Variants in STAT2 observed in about 807,000 individuals in gnomAD.
The protein encoded by STAT2 is interferon alpha induced transcriptional activator.
A neutral mutation model predicts 122.3 loss-of-function variants in STAT2; 51 were observed. The ratio of observed to expected loss-of-function variants is 0.42; its 90% CI spans 0.33 to 0.53. The LOEUF (loss-of-function observed/expected upper bound fraction) is 0.53, where lower values mean the gene tolerates loss of function less well. STAT2 is among the 20% of genes least tolerant of loss of function. The pLI is 0.10. For synonymous variants in STAT2, 351 were observed against 394.9 expected, an observed-to-expected ratio of 0.89 and a Z score of 1.32; for missense variants, 736 against 1,010.3, an observed-to-expected ratio of 0.73 and a Z score of 3.68.
intron 3 of STAT2, 114 bp from the exon 4 acceptor site, chr12:56,355,917 C>T: frequency 1.5e-6 from 2 of 1,300,524 alleles, no homozygotes; most frequent in Non-Finnish European, 1.1e-6. Flanking sequence ...GGGTTCTTAG[C>T]CCTTTGTCTT....
In STAT2 at chr12:56,351,324, C is replaced by G; in HGVS notation, c.909G>C (p.Gln303His). ...GCAGACGCTGTAGCAACTCTGTGAC[C>G]TGGGCGTTGCGTAGGTCCACCCCTT... ...LTKGVDLRNA[Q>H]VTELLQRLLH... The change falls in exon 9 of 24, where the codon CAG becomes CAC. Residue 303 changes from glutamine (Q) to histidine (H), a missense_variant. Physicochemically the swap from Gln to His is conservative, Grantham distance 24 (BLOSUM62 0). Coordinates refer to ENST00000314128, the MANE Select transcript of STAT2 (RefSeq NM_005419.4). 1 of 1,614,166 alleles carries G rather than the reference C, an allele frequency of 6.2e-7. No individual in the cohort carries two copies. Among genetic ancestry groups the G allele is most frequent in the Non-Finnish European group, 8.5e-7 (1 of 1,180,024 alleles).
intron 8 of STAT2, among the ~76,000 whole-genome samples, chr12:56,353,767 G>T (rs1305101096): frequency 6.6e-6 from 1 of 151,464 alleles, no homozygotes; most frequent in African/African-American, 2.4e-5. Flanking sequence ...CCCAAGTTGG[G>T]TGGATCACCT....
At chr12:56,345,147 C>T (rs929868151) in intron 22 of STAT2, among the ~76,000 whole-genome samples, 16 of 139,598 alleles carry the variant, frequency 1.1e-4, no homozygotes, top group Admixed American at 1.5e-4. Flanking sequence ...GCACTCCAGC[C>T]CGGGCAATGA....
chr12:56,347,016 CT>C, intron 19 of STAT2, 61 bp from the exon 20 acceptor site: 1 of 1,591,654 alleles, frequency 6.3e-7, no homozygotes. Context: ...AGGCCCCTGC[CT>C]CCCTGCTCCC....
chr12:56,348,383 G>A (rs974760477), intron 19 of STAT2, 146 bp downstream of exon 19: 82 of 794,962 alleles, frequency 1.0e-4, no homozygotes, highest in Non-Finnish European at 1.4e-4. Flanking sequence ...CACCACACCC[G>A]GCCTTATTAT....
At chr12:56,354,016 A>AAAAAAAAAAAAT (rs71081350) in intron 8 of STAT2, among the ~76,000 whole-genome samples, 21 of 16,690 alleles carry the variant, frequency 1.3e-3, no homozygotes, top group African/African-American at 2.3e-3. Flanking sequence ...AAAAAAAAAA[A>AAAAAAAAAAAAT]ATATATATAT....
In STAT2 at chr12:56,349,199, T is replaced by C. The variant is rs144703861; in HGVS notation, c.1404A>G (p.Ser468=). 19 of 1,613,996 alleles carry C rather than the reference T, an allele frequency of 1.2e-5. No homozygotes were observed. The African/African-American group carries it at 1.7e-4, about 15-fold the overall frequency. The change falls in exon 16 of 24, where the codon TCA becomes TCG. Residue 468 remains serine, a synonymous_variant. Coordinates refer to ENST00000314128, the MANE Select transcript of STAT2 (RefSeq NM_005419.4). ...NMNQLSIAWA[S]VLWFNLLSPN... ...GGCTGAGCAAATTGAACCAGAGAAC[T>C]GAAGCCCAGGCAATTGAGAGCTGGT...
At position 56,349,056 on chromosome 12, in the gene STAT2, G is replaced by C; in HGVS notation, c.1444C>G (p.Gln482Glu). The C allele has an allele frequency of 6.2e-7, 1 of 1,613,124 alleles. No individual in the cohort carries two copies. Among genetic ancestry groups the C allele is most frequent in the Non-Finnish European group, 8.5e-7 (1 of 1,179,398 alleles). The change falls in exon 17 of 24, where the codon CAG becomes GAG. Residue 482 changes from glutamine (Q) to glutamate (E), a missense_variant. By Grantham distance (29) the Gln-to-Glu change is conservative. Coordinates refer to ENST00000314128, the MANE Select transcript of STAT2 (RefSeq NM_005419.4). ...FNLLSPNLQN[Q>E]QFFSNPPKAP... ...TTGGGGGGGTTGGAGAAGAACTGCT[G>C]GTTCTGCAGGGGTGGGAGCAGTGTA...
At chr12:56,358,732 A>T (rs1879910160) in intron 1 of STAT2, among the ~76,000 whole-genome samples, 1 of 152,168 alleles carries the variant, frequency 6.6e-6, no homozygotes, top group African/African-American at 2.4e-5. Context: ...ATAGGTTATC[A>T]ACTTTGTGAG....
intron 23 of STAT2, 75 bp from the exon 24 acceptor site, chr12:56,343,606 G>A (rs959154673): frequency 3.2e-6 from 5 of 1,566,664 alleles, no homozygotes; most frequent in Non-Finnish European, 4.3e-6. Context: ...AAGGGAGGGA[G>A]GATGGCAGGA....
At chr12:56,349,965 C>A in intron 13 of STAT2, 132 bp downstream of exon 13, 1 of 794,460 alleles carries the variant, frequency 1.3e-6, no homozygotes, top group Middle Eastern at 2.5e-4. Context: ...AGAAGAATTG[C>A]TTGAACCCGG....
At position 56,346,890 on chromosome 12, in the gene STAT2, G is replaced by T; in HGVS notation, c.1790C>A (p.Thr597Asn). The stretch of plus-strand genomic sequence containing the variant: ...CGATTCACTGAAGCGCAGTAGAAAG[G>T]TGCCAGACATGGTCTTCTTCAGCAG... ...RRLLKKTMSGTFLLRFSESSE... is the reference protein window; with the variant it reads ...RRLLKKTMSGNFLLRFSESSE... Residue 597 changes from threonine to asparagine, a missense_variant, in exon 20 of 24, where the codon ACC (threonine) becomes AAC (asparagine). Transcript: ENST00000314128. The T allele has an allele frequency of 6.2e-7, 1 of 1,614,180 alleles. No individual in the cohort carries two copies. The highest frequency in any genetic ancestry group is 8.5e-7 in the Non-Finnish European group (1 of 1,180,030).
chr12:56,347,379 C>T (rs535772925), intron 19 of STAT2, among the ~76,000 whole-genome samples: 5 of 152,006 alleles, frequency 3.3e-5, no homozygotes, highest in Admixed American at 6.5e-5. Flanking sequence ...TTCGTAGAGA[C>T]GGGGTTTCAC....
At chr12:56,349,954 C>A in intron 13 of STAT2, 143 bp downstream of exon 13, 1 of 749,284 alleles carries the variant, frequency 1.3e-6, no homozygotes, top group Non-Finnish European at 2.2e-6. Context: ...GAGGCTGAGA[C>A]AGAAGAATTG....
At chr12:56,351,595 T>C (rs987877306) in intron 8 of STAT2, 145 bp from the exon 9 acceptor site, 1 of 844,208 alleles carries the variant, frequency 1.2e-6, no homozygotes. Context: ...ATATAAAGGA[T>C]TATTCAACAT....
intron 8 of STAT2, among the ~76,000 whole-genome samples, chr12:56,354,040 T>TATATATAA (rs1157971570): frequency 5.6e-5 from 3 of 53,346 alleles, no homozygotes; most frequent in East Asian, 5.7e-4. Flanking sequence ...TATATATATA[T>TATATATAA]AAAAAATACT....
At chr12:56,358,231 CTTTTT>C (rs889276884) in intron 1 of STAT2, among the ~76,000 whole-genome samples, 1 of 140,802 alleles carries the variant, frequency 7.1e-6, no homozygotes, top group Non-Finnish European at 1.6e-5. Flanking sequence ...GGCTCTGAAG[CTTTTT>C]TTTTTCTTTT....
chr12:56,356,477 C>T lies in STAT2; in HGVS notation c.95G>A (p.Arg32Gln). The change falls in exon 2 of 24, where the codon CGA becomes CAA. Residue 32 changes from arginine to glutamine, a missense_variant. Transcript: ENST00000314128. The part of the protein sequence containing the change: ...YSHSLLPVDI[R>Q]QYLAVWIEDQ... ...TTCAATCCAGACAGCCAAGTACTGTCGAATGTCCACAGGCAGGAGGCTGTG... is the reference window on the plus strand; with the variant it reads ...TTCAATCCAGACAGCCAAGTACTGTTGAATGTCCACAGGCAGGAGGCTGTG... 1 of 1,614,102 alleles carries T rather than the reference C, an allele frequency of 6.2e-7. No homozygotes were observed. Among genetic ancestry groups the T allele is most frequent in the Non-Finnish European group, 8.5e-7 (1 of 1,180,044 alleles).
chr12:56,352,348 T>C (rs1340268366), intron 8 of STAT2: 2 of 141,648 alleles, frequency 1.4e-5, no homozygotes, highest in East Asian at 4.0e-4. Context: ...TTTGTAACTA[T>C]CTTTTTTTTT....
Sources: allele counts gnomAD v4.1 joint callset (sites outside exome capture counted in the v4.1 genomes callset), GRCh38; gene constraint gnomAD v4.1.1; transcripts MANE v1.5; gene names NCBI Gene and HGNC (gene_info 2026-07-23, HGNC 2026-07-21).